UNC5D: variants seen among roughly 807,000 people sequenced by gnomAD.
UNC5D encodes the protein netrin receptor UNC5D.
UNC5D carries 39 observed loss-of-function variants against 105.4 expected under a neutral mutation model. That is an observed-to-expected ratio of 0.37 (90% confidence interval 0.29 to 0.48). The LOEUF is 0.48. UNC5D is among the 20% of genes least tolerant of loss of function. UNC5D has a pLI of 0.98. For synonymous variants in UNC5D, 452 were observed against 450.4 expected, an observed-to-expected ratio of 1.00 and a Z score of -0.04; for missense variants, 991 against 1,202.4, an observed-to-expected ratio of 0.82 and a Z score of 2.60.
chr8:35,253,074 T>C (rs1184864427), intron 1 of UNC5D, among the ~76,000 whole-genome samples: 2 of 152,080 alleles, frequency 1.3e-5, no homozygotes, highest in African/African-American at 4.8e-5. Flanking sequence ...CATTGAATTA[T>C]AGGAGTTTTG....
chr8:35,542,889 T>A (rs1424285984), intron 1 of UNC5D, among the ~76,000 whole-genome samples: 1 of 152,176 alleles, frequency 6.6e-6, no homozygotes, highest in Non-Finnish European at 1.5e-5. Flanking sequence ...TTTTTATGCT[T>A]TTGTTTGTCC....
chr8:35,342,185 G>A (rs932289552), intron 1 of UNC5D, among the ~76,000 whole-genome samples: 1 of 152,088 alleles, frequency 6.6e-6, no homozygotes, highest in Non-Finnish European at 1.5e-5. Context: ...AAAACTCAGT[G>A]ATCCAGGTCG....
intron 1 of UNC5D, among the ~76,000 whole-genome samples, chr8:35,417,644 T>G (rs1805616138): frequency 6.6e-6 from 1 of 152,220 alleles, no homozygotes; most frequent in Non-Finnish European, 1.5e-5. Flanking sequence ...GACACAAGTC[T>G]AGGTGTTACA....
At chr8:35,391,620 A>T (rs1803779982) in intron 1 of UNC5D, among the ~76,000 whole-genome samples, 1 of 152,224 alleles carries the variant, frequency 6.6e-6, no homozygotes, top group Admixed American at 6.5e-5. Context: ...CTATTGGTCA[A>T]GCAAAGCTAA....
At chr8:35,787,253 G>A (rs1802788175) in intron 16 of UNC5D, among the ~76,000 whole-genome samples, 1 of 152,172 alleles carries the variant, frequency 6.6e-6, no homozygotes. Context: ...TTGTTTGATA[G>A]CAAATACAAA....
At chr8:35,649,895 G>A (rs535453422) in intron 4 of UNC5D, among the ~76,000 whole-genome samples, 4 of 152,214 alleles carry the variant, frequency 2.6e-5, no homozygotes, top group Non-Finnish European at 5.9e-5. Context: ...TGAATCTACC[G>A]TAGTATTCTC....
chr8:35,385,263 G>A (rs1803312366), intron 1 of UNC5D, among the ~76,000 whole-genome samples: 1 of 152,084 alleles, frequency 6.6e-6, no homozygotes, highest in Non-Finnish European at 1.5e-5. Flanking sequence ...TGATGTGAGT[G>A]ATAATGTATT....
intron 1 of UNC5D, among the ~76,000 whole-genome samples, chr8:35,466,615 T>C (rs529717789): frequency 1.0e-3 from 159 of 152,306 alleles, no homozygotes; most frequent in African/African-American, 3.8e-3. Context: ...TGAGACTATT[T>C]CTCATGGACG....
At chr8:35,354,586 C>T (rs1801445562) in intron 1 of UNC5D, among the ~76,000 whole-genome samples, 1 of 152,110 alleles carries the variant, frequency 6.6e-6, no homozygotes, top group South Asian at 2.1e-4. Flanking sequence ...TGTACCTTTA[C>T]TAAGGTGAGG....
intron 1 of UNC5D, among the ~76,000 whole-genome samples, chr8:35,407,836 C>T (rs562365117): frequency 6.6e-6 from 1 of 152,182 alleles, no homozygotes; most frequent in African/African-American, 2.4e-5. Context: ...TAATGGCCTC[C>T]AACTCCATCC....
chr8:35,689,641 G>A (rs1224000143), intron 7 of UNC5D, among the ~76,000 whole-genome samples: 1 of 152,226 alleles, frequency 6.6e-6, no homozygotes, highest in Admixed American at 6.5e-5. Flanking sequence ...CTGTCAGGCA[G>A]GAAGAGCCAG....
chr8:35,372,978 A>T (rs2128926369), intron 1 of UNC5D, among the ~76,000 whole-genome samples: 1 of 152,312 alleles, frequency 6.6e-6, no homozygotes, highest in African/African-American at 2.4e-5. Flanking sequence ...ATGAGTGCCA[A>T]ACTCTGTTGA....
intron 1 of UNC5D, among the ~76,000 whole-genome samples, chr8:35,350,765 G>A (rs896096105): frequency 1.3e-5 from 2 of 151,966 alleles, no homozygotes; most frequent in African/African-American, 2.4e-5. Context: ...GAAACGTTAT[G>A]TTTAGAAAAA....
chr8:35,572,661 G>C (rs75027015), intron 3 of UNC5D, among the ~76,000 whole-genome samples: 4,268 of 152,222 alleles, frequency 0.028, 198 homozygotes, highest in African/African-American at 0.097. Context: ...GTGATTCTAT[G>C]ATCACCTTTG....
At chr8:35,739,404 A>T (rs540682817) in intron 11 of UNC5D, among the ~76,000 whole-genome samples, 1 of 152,268 alleles carries the variant, frequency 6.6e-6, no homozygotes, top group East Asian at 1.9e-4. Context: ...GGAAAGAAGC[A>T]TTTCTCCTTG....
intron 3 of UNC5D, among the ~76,000 whole-genome samples, chr8:35,579,587 A>T (rs896107032): frequency 6.6e-6 from 1 of 152,132 alleles, no homozygotes; most frequent in African/African-American, 2.4e-5. Flanking sequence ...TGAGCATTCC[A>T]AGTAAAGGAA....
At chr8:35,758,164 A>G (rs1830598091) in intron 13 of UNC5D, among the ~76,000 whole-genome samples, 1 of 152,182 alleles carries the variant, frequency 6.6e-6, no homozygotes, top group African/African-American at 2.4e-5. Flanking sequence ...GATACTAGCA[A>G]CCTATTAACA....
chr8:35,672,731 T>C (rs1221402009), intron 4 of UNC5D, among the ~76,000 whole-genome samples: 1 of 152,226 alleles, frequency 6.6e-6, no homozygotes, highest in African/African-American at 2.4e-5. Context: ...GCAAACTCTT[T>C]ACATTAAACA....
intron 1 of UNC5D, among the ~76,000 whole-genome samples, chr8:35,236,691 C>T (rs1040147435): frequency 6.6e-6 from 1 of 152,318 alleles, no homozygotes; most frequent in African/African-American, 2.4e-5. Flanking sequence ...CTGGTTTCAG[C>T]TCCACCTTGA....
Sources: allele counts gnomAD v4.1 joint callset (sites outside exome capture counted in the v4.1 genomes callset), GRCh38; gene constraint gnomAD v4.1.1; transcripts MANE v1.5; gene names NCBI Gene and HGNC (gene_info 2026-07-23, HGNC 2026-07-21).